The following MSRA variants were observed in gnomAD, a reference collection of about 807,000 sequenced individuals.
MSRA encodes mitochondrial peptide methionine sulfoxide reductase.
In MSRA, 54 loss-of-function variants were observed where a neutral mutation model predicts 31.3. That is an observed-to-expected ratio of 1.73 (90% confidence interval 1.39 to 2.17). The LOEUF (loss-of-function observed/expected upper bound fraction) is 2.17. Among genes scored for constraint, MSRA ranks in the 30% most tolerant of loss-of-function variants. The pLI is 0.00. For synonymous variants in MSRA, 169 were observed against 116.5 expected, an observed-to-expected ratio of 1.45 and a Z score of -2.90; for missense variants, 507 against 300.9, an observed-to-expected ratio of 1.69 and a Z score of -5.07.
chr8:10,254,017 G>A (rs907159413), intron 3 of MSRA, among the ~76,000 whole-genome samples: 1 of 152,092 alleles, frequency 6.6e-6, no homozygotes, highest in Non-Finnish European at 1.5e-5. Flanking sequence ...GTTGTTTCCT[G>A]GGGCCGTGCC....
At chr8:10,091,401 G>C (rs2128927724) in intron 1 of MSRA, among the ~76,000 whole-genome samples, 1 of 152,248 alleles carries the variant, frequency 6.6e-6, no homozygotes, top group East Asian at 1.9e-4. Flanking sequence ...ACATATTGCA[G>C]AATCTTATTT....
At chr8:10,296,739 C>G (rs905886626) in intron 3 of MSRA, among the ~76,000 whole-genome samples, 1 of 152,162 alleles carries the variant, frequency 6.6e-6, no homozygotes, top group African/African-American at 2.4e-5. Context: ...GTGTGGGTCC[C>G]GAGGAAAGGC....
intron 5 of MSRA, among the ~76,000 whole-genome samples, chr8:10,386,458 A>G (rs1396608736): frequency 6.6e-6 from 1 of 152,244 alleles, no homozygotes; most frequent in African/African-American, 2.4e-5. Flanking sequence ...CATTGACATC[A>G]TAGACAAAGC....
chr8:10,064,208 C>T (rs751327832), intron 1 of MSRA, among the ~76,000 whole-genome samples: 1 of 152,172 alleles, frequency 6.6e-6, no homozygotes, highest in Non-Finnish European at 1.5e-5. Context: ...TCAAAATGCC[C>T]TCTCCGTTCA....
intron 3 of MSRA, among the ~76,000 whole-genome samples, chr8:10,268,316 T>G (rs530352196): frequency 6.6e-6 from 1 of 152,170 alleles, no homozygotes; most frequent in Non-Finnish European, 1.5e-5. Flanking sequence ...CTCCAGACAT[T>G]TGGGTAGAAA....
intron 5 of MSRA, among the ~76,000 whole-genome samples, chr8:10,366,486 C>G (rs1348421716): frequency 2.6e-5 from 4 of 152,248 alleles, no homozygotes; most frequent in Admixed American, 1.3e-4. Context: ...GACAGACATT[C>G]CGGAGTCAAG....
chr8:10,211,226 C>T (rs147421989), intron 2 of MSRA, among the ~76,000 whole-genome samples: 383 of 152,242 alleles, frequency 2.5e-3, no homozygotes, highest in African/African-American at 7.3e-3. Flanking sequence ...GTGAAAAATG[C>T]ATGAATGGTC....
chr8:10,328,551 G>A (rs1049608868), intron 5 of MSRA, among the ~76,000 whole-genome samples: 1 of 151,954 alleles, frequency 6.6e-6, no homozygotes. Flanking sequence ...AGTGTACCTC[G>A]GGTCATTTCC....
At chr8:10,133,492 G>C (rs1802047750) in intron 1 of MSRA, among the ~76,000 whole-genome samples, 1 of 152,182 alleles carries the variant, frequency 6.6e-6, no homozygotes. Context: ...ACATCCAGGA[G>C]AGAGATTTTA....
chr8:10,168,697 T>C (rs1188714076), intron 1 of MSRA, among the ~76,000 whole-genome samples: 1 of 152,164 alleles, frequency 6.6e-6, no homozygotes, highest in Non-Finnish European at 1.5e-5. Flanking sequence ...TCGACCACAC[T>C]TCTGTTTTCA....
chr8:10,408,350 A>G (rs1320543268), intron 5 of MSRA, among the ~76,000 whole-genome samples: 1 of 152,142 alleles, frequency 6.6e-6, no homozygotes, highest in Non-Finnish European at 1.5e-5. Context: ...CACCCTGGGC[A>G]ATGCGGTGAA....
intron 1 of MSRA, among the ~76,000 whole-genome samples, chr8:10,127,532 A>T (rs879844860): frequency 6.6e-6 from 1 of 152,204 alleles, no homozygotes; most frequent in African/African-American, 2.4e-5. Context: ...CTTACTGGTT[A>T]GCTTTGCCTC....
intron 1 of MSRA, among the ~76,000 whole-genome samples, chr8:10,064,954 T>G (rs750010820): frequency 6.6e-6 from 1 of 152,168 alleles, no homozygotes; most frequent in Non-Finnish European, 1.5e-5. Flanking sequence ...AATGCACTGT[T>G]GTTAGCAGTT....
intron 1 of MSRA, among the ~76,000 whole-genome samples, chr8:10,130,631 G>T (rs553816687): frequency 2.6e-5 from 4 of 152,262 alleles, no homozygotes; most frequent in Admixed American, 2.0e-4. Context: ...CACAGAGACC[G>T]CACATACAAA....
chr8:10,065,359 C>G (rs1250082523), intron 1 of MSRA, among the ~76,000 whole-genome samples: 3 of 152,192 alleles, frequency 2.0e-5, no homozygotes, highest in Non-Finnish European at 4.4e-5. Flanking sequence ...GTTTCAGGAG[C>G]CCACTCTAGA....
rs80171423 is a variant in MSRA, at chr8:10,360,190, G to A, written c.543+40201G>A. 3.8e-3 allele frequency among the ~76,000 whole-genome samples: 576 copies of A among 152,324 alleles called. 8 individuals carry two copies. The highest frequency in any genetic ancestry group is 0.013 in the African/African-American group (539 of 41,574). On this transcript the variant is annotated intron_variant, in intron 5 of 5. Coordinates refer to ENST00000317173, the MANE Select transcript of MSRA (RefSeq NM_012331.5). ...CAAGCTGCTCTCAGTGTTAGCCACTGTTGTCAAAATGGCTGTCTGTGTCTT... is the reference window on the plus strand; with the variant it reads ...CAAGCTGCTCTCAGTGTTAGCCACTATTGTCAAAATGGCTGTCTGTGTCTT...
chr8:10,085,433 C>A (rs889828656), intron 1 of MSRA, among the ~76,000 whole-genome samples: 1 of 152,192 alleles, frequency 6.6e-6, no homozygotes, highest in East Asian at 1.9e-4. Flanking sequence ...CACGTGATAT[C>A]TAATAACTTC....
intron 3 of MSRA, among the ~76,000 whole-genome samples, chr8:10,259,686 C>G (rs931406520): frequency 2.6e-5 from 4 of 152,098 alleles, no homozygotes; most frequent in African/African-American, 9.7e-5. Flanking sequence ...CCTGGGAAAC[C>G]CAGGACTAGG....
At chr8:10,352,792 T>A (rs1275161249) in intron 5 of MSRA, among the ~76,000 whole-genome samples, 2 of 152,040 alleles carry the variant, frequency 1.3e-5, no homozygotes, top group East Asian at 3.9e-4. Context: ...ACTCCAGGGA[T>A]CAGAACGCGT....
Sources: gnomAD v4.1 joint callset for allele counts (sites outside exome capture counted in the v4.1 genomes callset) on GRCh38, gnomAD v4.1.1 for gene constraint, MANE v1.5 for transcripts, NCBI Gene and HGNC (gene_info 2026-07-23, HGNC 2026-07-21) for gene names.